Variants in CR2 observed in about 807,000 individuals in gnomAD.
CR2 encodes the protein complement receptor type 2.
Under a neutral mutation model 123.0 loss-of-function variants are expected in CR2, and 96 were observed. That is an observed-to-expected ratio of 0.78 (90% CI 0.66 to 0.93). The LOEUF (loss-of-function observed/expected upper bound fraction) is 0.93, where lower values mean the gene tolerates loss of function less well. CR2 is among the 40% of genes least tolerant of loss of function. The pLI is 0.00. For missense variants in CR2, 1,258 were observed against 1,361.0 expected, an observed-to-expected ratio of 0.92 and a Z score of 1.19; for synonymous variants, 484 against 469.5, an observed-to-expected ratio of 1.03 and a Z score of -0.40.
chr1:207,473,925 C>T (rs1037097706), intron 12 of CR2, 40 bp downstream of exon 12: 5 of 1,582,112 alleles, frequency 3.2e-6, no homozygotes, highest in African/African-American at 2.7e-5. Context: ...AGGTCTCAAC[C>T]TTGTTTTGTG....
At position 207,471,149 on chromosome 1, in the gene CR2, A is replaced by G. The variant is rs146833647; in HGVS notation, c.1493+62A>G. Reference sequence around the variant, plus strand: ...TGTATCAGCACACACTGCAGGCTCTATGTAAGAGTTTGTATCAGTACACCC... The same window carrying G: ...TGTATCAGCACACACTGCAGGCTCTGTGTAAGAGTTTGTATCAGTACACCC... On this transcript the variant is annotated intron_variant, in intron 8 of 19. Coordinates refer to ENST00000367057, the MANE Select transcript of CR2 (RefSeq NM_001006658.3). 8.4e-5 allele frequency: 127 copies of G among 1,513,706 alleles called. No individual in the cohort carries two copies. In the African/African-American group the frequency reaches 1.4e-3, roughly 17 times the overall value. 93.8% of individuals were successfully genotyped at this position (1,513,706 alleles called of 1,614,324 possible). A position where few individuals can be genotyped will look rare whatever the true frequency, so the allele number is the denominator to read the frequency against.
chr1:207,473,907 C>T (rs2102306722), intron 12 of CR2, 22 bp downstream of exon 12: 1 of 1,607,254 alleles, frequency 6.2e-7, no homozygotes, highest in Non-Finnish European at 8.5e-7. Flanking sequence ...GTGGTCTATT[C>T]TGAGAAAAGG....
In CR2 at chr1:207,468,582, T is replaced by G; in HGVS notation, c.501T>G (p.Ser167Arg). The stretch of plus-strand genomic sequence containing the variant: ...TGATCCACAATGGACATCACACAAG[T>G]GAGAATGTTGGCTCCATTGCTCCAG... ...LPMIHNGHHT[S>R]ENVGSIAPGL... The change falls in exon 3 of 20, where the codon AGT (serine) becomes AGG (arginine). Residue 167 changes from serine to arginine, a missense_variant. Transcript: ENST00000367057. 1 of 1,614,026 alleles carries G rather than the reference T, an allele frequency of 6.2e-7. No homozygotes were observed.
intron 15 of CR2, 124 bp from the exon 16 acceptor site, chr1:207,477,761 G>T: frequency 1.3e-6 from 1 of 774,496 alleles, no homozygotes; most frequent in Non-Finnish European, 2.2e-6. Flanking sequence ...CTATTTCAGT[G>T]CAGCTTTCCT....
At chr1:207,456,981 C>T (rs951835573) in intron 1 of CR2, among the ~76,000 whole-genome samples, 3 of 152,340 alleles carry the variant, frequency 2.0e-5, no homozygotes, top group South Asian at 2.1e-4. Context: ...ATTCAAGGCT[C>T]AGCCCTCTGT....
Position 207,468,340 on chromosome 1 carries a change from AT to A in CR2, c.446-177del, listed in dbSNP as rs369925043. ...ATAAACTTTCTTAAACCATTATGAGATTTTTTTTTTGCAATTTTTTTAGCTT... is the reference window on the plus strand; with the variant it reads ...ATAAACTTTCTTAAACCATTATGAGATTTTTTTTTGCAATTTTTTTAGCTT... On this transcript the variant is annotated intron_variant, in intron 2 of 19. Coordinates refer to ENST00000367057, the MANE Select transcript of CR2 (RefSeq NM_001006658.3). 5,019 of 556,804 alleles carry A rather than the reference AT, an allele frequency of 9.0e-3. 83 individuals carry two copies. Among genetic ancestry groups the A allele is most frequent in the African/African-American group, 0.053 (2,761 of 51,944 alleles). 34.5% of individuals were successfully genotyped at this position (556,804 alleles called of 1,614,324 possible).
chr1:207,473,116 A>AGTAGT lies in CR2; in HGVS notation c.1916_1920dup (p.Gln641ValfsTer46). ...TTATAGTGGATTTACTTTGAAGGGC[A>AGTAGT]GTAGTCAGATTCGTTGCAAAGCTGA... is the stretch of plus-strand genomic sequence containing the variant. On this transcript the variant is annotated frameshift_variant, in exon 10 of 20. Coordinates refer to ENST00000367057, the MANE Select transcript of CR2 (RefSeq NM_001006658.3). LOFTEE classifies it high-confidence loss of function. 1 of 1,614,020 alleles carries AGTAGT rather than the reference A, an allele frequency of 6.2e-7. No individual in the cohort carries two copies. Among genetic ancestry groups the AGTAGT allele is most frequent in the Non-Finnish European group, 8.5e-7 (1 of 1,179,908 alleles).
At chr1:207,472,033 AGG>A in intron 9 of CR2, 1 of 183,090 alleles carries the variant, frequency 5.5e-6, no homozygotes, top group South Asian at 1.2e-4. Flanking sequence ...GCAGATCACA[AGG>A]TCAGGAGATC....
intron 16 of CR2, 45 bp downstream of exon 16, chr1:207,478,115 G>C (rs1452621049): frequency 1.2e-5 from 19 of 1,587,558 alleles, no homozygotes; most frequent in Non-Finnish European, 1.6e-5. Context: ...GGCTAACGGA[G>C]AGAAGAGAGT....
chr1:207,472,682 C>G (rs1658314361), intron 9 of CR2, 90 bp from the exon 10 acceptor site: 1 of 1,374,502 alleles, frequency 7.3e-7, no homozygotes, highest in Admixed American at 1.7e-5. Flanking sequence ...CAGGAAACAA[C>G]AGATTCATAA....
intron 14 of CR2, 39 bp downstream of exon 14, chr1:207,475,255 C>CA (rs1469922563): frequency 5.0e-6 from 8 of 1,607,438 alleles, no homozygotes; most frequent in Middle Eastern, 1.7e-4. Flanking sequence ...GGATGTTGTA[C>CA]AGAATAAAGA....
Position 207,485,525 on chromosome 1 carries a change from TC to T in CR2, c.3251del (p.Ser1084LeufsTer34). On this transcript the variant is annotated frameshift_variant, in exon 19 of 20. Coordinates refer to ENST00000367057, the MANE Select transcript of CR2 (RefSeq NM_001006658.3). LOFTEE classifies it high-confidence loss of function. ...TCATTTAGAAGCACGAGAAGTATAT[TC>T]TGTTGATCCATACAACCCAGCCAGC... Reference protein sequence around the residue: ...AFHLEAREVYSVDPYNPAS With the variant: ...AFHLEAREVYXVDPYNPAS 1 of 1,613,168 alleles carries T rather than the reference TC, an allele frequency of 6.2e-7. No individual in the cohort carries two copies. The highest frequency in any genetic ancestry group is 1.1e-5 in the South Asian group (1 of 91,048).
In CR2 at chr1:207,486,230, CAAAAAAAA is replaced by C. The variant is rs1173937738; in HGVS notation, c.*18+677_*18+684del. 2.4e-3 allele frequency among the ~76,000 whole-genome samples: 103 copies of C among 43,000 alleles called. 1 individual carries two copies. The East Asian group carries it at 0.099, about 41-fold the overall frequency. The allele number at this position is 43,000 out of a possible 152,430, so 28.2% of individuals were successfully genotyped here. On this transcript the variant is annotated intron_variant, in intron 19 of 19. Coordinates refer to ENST00000367057, the MANE Select transcript of CR2 (RefSeq NM_001006658.3). ...TGGACAACAGAGCAAGACTGCATCTCAAAAAAAAAAAAAAAAAAAAAAAAAAGCCAGCC... is the reference window on the plus strand; with the variant it reads ...TGGACAACAGAGCAAGACTGCATCTCAAAAAAAAAAAAAAAAAAGCCAGCC...
chr1:207,479,347 GTCCTATA>G lies in CR2; in HGVS notation c.3112+74_3112+80del, dbSNP rs545474449. 1.5e-4 allele frequency: 172 copies of G among 1,111,658 alleles called. 1 individual carries two copies. The East Asian group carries it at 4.1e-3, about 27-fold the overall frequency. The allele number at this position is 1,111,658 out of a possible 1,614,324, so 68.9% of individuals were successfully genotyped here. A position where few individuals can be genotyped will look rare whatever the true frequency, so the allele number is the denominator to read the frequency against. ...TTTTTAAAAATATGTAATGCTAGAG[GTCCTATA>G]TCCTATCTGATGATATATTTAACTC... is the stretch of plus-strand genomic sequence containing the variant. On this transcript the variant is annotated intron_variant, in intron 17 of 19. Coordinates refer to ENST00000367057, the MANE Select transcript of CR2 (RefSeq NM_001006658.3).
intron 1 of CR2, among the ~76,000 whole-genome samples, chr1:207,464,544 A>G (rs1349108503): frequency 6.6e-6 from 1 of 152,230 alleles, no homozygotes; most frequent in Non-Finnish European, 1.5e-5. Flanking sequence ...CAGCAAAGAT[A>G]ATCAAGTTGA....
At chr1:207,485,162 A>G (rs1977465) in intron 18 of CR2, among the ~76,000 whole-genome samples, 87,192 of 152,002 alleles carry the variant, frequency 0.57, 25,834 homozygotes, top group Admixed American at 0.68. Context: ...ACAGGGAGGG[A>G]AACATCATAC....
intron 9 of CR2, among the ~76,000 whole-genome samples, chr1:207,472,381 A>G (rs994250680): frequency 3.3e-5 from 5 of 152,216 alleles, no homozygotes; most frequent in African/African-American, 1.2e-4. Context: ...TCATTCAACA[A>G]TAAGTTTTCT....
Position 207,487,520 on chromosome 1 carries a change from A to C in CR2, c.*19-1622A>C, listed in dbSNP as rs148421245. On this transcript the variant is annotated intron_variant, in intron 19 of 19. Transcript: ENST00000367057. ...AGCCTGACTGGACGGAGCTTAAGAGAGAATGAAAGGAGAGAAATTGCAGCT... is the reference window on the plus strand; with the variant it reads ...AGCCTGACTGGACGGAGCTTAAGAGCGAATGAAAGGAGAGAAATTGCAGCT... Among the ~76,000 whole-genome samples, 118 of 152,362 alleles carry C rather than the reference A, an allele frequency of 7.7e-4. No individual in the cohort carries two copies. In the East Asian group the frequency reaches 0.012, roughly 16 times the overall value.
chr1:207,482,352 T>G (rs773108513), intron 18 of CR2, among the ~76,000 whole-genome samples: 5 of 152,148 alleles, frequency 3.3e-5, no homozygotes, highest in Non-Finnish European at 7.4e-5. Context: ...TCCAACATAT[T>G]AAGTTGATGG....
Sources: gnomAD v4.1 joint callset for allele counts (sites outside exome capture counted in the v4.1 genomes callset) on GRCh38, gnomAD v4.1.1 for gene constraint, MANE v1.5 for transcripts, NCBI Gene and HGNC (gene_info 2026-07-23, HGNC 2026-07-21) for gene names.